OSTF1: variants seen among roughly 807,000 people sequenced by gnomAD.
The protein encoded by OSTF1 is osteoclast stimulating factor 1, also known as osteoclast-stimulating factor 1.
In OSTF1, 27 loss-of-function variants were observed where a neutral mutation model predicts 37.2. The observed-to-expected ratio is 0.73, with a 90% CI of 0.54 to 1.00. The LOEUF (loss-of-function observed/expected upper bound fraction) is 1.00, where lower values mean the gene tolerates loss of function less well. Among genes scored for constraint, OSTF1 ranks in the 50% least tolerant of loss-of-function variants. The pLI, the probability that OSTF1 is intolerant of heterozygous loss-of-function variation, is 0.00. For synonymous variants in OSTF1, 82 were observed against 89.2 expected (o/e 0.92, Z 0.46); for missense variants, 232 against 253.8 (o/e 0.91, Z 0.58).
At chr9:75,118,639 T>G (rs1825530488) in intron 2 of OSTF1, among the ~76,000 whole-genome samples, 1 of 152,134 alleles carries the variant, frequency 6.6e-6, no homozygotes, top group Non-Finnish European at 1.5e-5. Context: ...CTGGGTAATG[T>G]ATAGAGAAAA....
chr9:75,106,203 CAATT>C lies in OSTF1; in HGVS notation c.35-11296_35-11293del, dbSNP rs146693436. Reference sequence around the variant, plus strand: ...TTTTCTTTAAAGGTATATGTGCAAACAATTAATTGAACTTGATTTAATTAATCCA... The same window carrying C: ...TTTTCTTTAAAGGTATATGTGCAAACAATTGAACTTGATTTAATTAATCCA... On this transcript the variant is annotated intron_variant, in intron 1 of 9. Coordinates refer to ENST00000346234, the MANE Select transcript of OSTF1 (RefSeq NM_012383.5). 7.0e-3 allele frequency among the ~76,000 whole-genome samples: 1,068 copies of C among 152,254 alleles called. 14 individuals are homozygous for C. Among genetic ancestry groups the C allele is most frequent in the African/African-American group, 0.024 (992 of 41,536 alleles).
At chr9:75,090,823 C>T (rs1184237894) in intron 1 of OSTF1, among the ~76,000 whole-genome samples, 1 of 152,058 alleles carries the variant, frequency 6.6e-6, no homozygotes, top group Non-Finnish European at 1.5e-5. Context: ...GTACAAAAAA[C>T]AAAAACAGAA....
At chr9:75,133,221 A>C (rs1305020648) in intron 5 of OSTF1, 73 bp from the exon 6 acceptor site, 2 of 878,634 alleles carry the variant, frequency 2.3e-6, no homozygotes, top group South Asian at 1.5e-5. Flanking sequence ...ATGCAGAATG[A>C]CATTGATTTA....
chr9:75,120,172 G>A (rs1260208967), intron 2 of OSTF1, among the ~76,000 whole-genome samples: 3 of 152,222 alleles, frequency 2.0e-5, no homozygotes, highest in Non-Finnish European at 2.9e-5. Flanking sequence ...TAAGCCCATC[G>A]TAAAGTTGAC....
Position 75,088,798 on chromosome 9 carries a change from G to T in OSTF1, c.34+72G>T, listed in dbSNP as rs868379888. ...GTGCCGGCGCCTCCTCTGCAGCTTG[G>T]CAGGGAGGACCCGGCGCGCACCCGG... is the stretch of plus-strand genomic sequence containing the variant. On this transcript the variant is annotated intron_variant, in intron 1 of 9. Coordinates refer to ENST00000346234, the MANE Select transcript of OSTF1 (RefSeq NM_012383.5). 1.6e-5 allele frequency: 24 copies of T among 1,455,424 alleles called. 1 individual carries two copies. In the Middle Eastern group the frequency reaches 2.8e-3, roughly 169 times the overall value. 90.2% of individuals were successfully genotyped at this position (1,455,424 alleles called of 1,614,324 possible). A position where few individuals can be genotyped will look rare whatever the true frequency, so the allele number is the denominator to read the frequency against.
chr9:75,127,047 T>G (rs1825673237), intron 2 of OSTF1, among the ~76,000 whole-genome samples: 1 of 152,196 alleles, frequency 6.6e-6, no homozygotes, highest in South Asian at 2.1e-4. Context: ...GAATTACATA[T>G]TAACTTTTCT....
chr9:75,136,486 G>A (rs7022928), intron 7 of OSTF1, among the ~76,000 whole-genome samples: 94,621 of 151,942 alleles, frequency 0.62, 30,020 homozygotes, highest in Non-Finnish European at 0.69. Flanking sequence ...TCTGCCTCCC[G>A]GGTTCAAGCT....
intron 1 of OSTF1, among the ~76,000 whole-genome samples, chr9:75,102,130 T>G (rs1475469896): frequency 6.6e-6 from 1 of 152,146 alleles, no homozygotes; most frequent in Non-Finnish European, 1.5e-5. Flanking sequence ...CTGTCCCAAC[T>G]AATTTTTTGT....
At chr9:75,100,094 A>C (rs774224283) in intron 1 of OSTF1, among the ~76,000 whole-genome samples, 6 of 152,254 alleles carry the variant, frequency 3.9e-5, no homozygotes, top group Non-Finnish European at 5.9e-5. Flanking sequence ...GCATGTAGAC[A>C]GTGGGTATAG....
chr9:75,131,907 C>A, intron 5 of OSTF1, 84 bp downstream of exon 5: 2 of 920,300 alleles, frequency 2.2e-6, no homozygotes, highest in Non-Finnish European at 3.5e-6. Context: ...CATACACCCA[C>A]GTAACCAACA....
At chr9:75,141,884 A>G (rs576802935) in intron 9 of OSTF1, among the ~76,000 whole-genome samples, 1 of 152,138 alleles carries the variant, frequency 6.6e-6, no homozygotes, top group South Asian at 2.1e-4. Context: ...AGAAAATGGG[A>G]CTACAGGCAT....
chr9:75,130,542 A>G lies in OSTF1; in HGVS notation c.133-36A>G, dbSNP rs759524599. 5.6e-6 allele frequency: 8 copies of G among 1,417,168 alleles called. No homozygotes were observed. In the East Asian group the frequency reaches 1.8e-4, roughly 32 times the overall value. The allele number at this position is 1,417,168 out of a possible 1,614,324, so 87.8% of individuals were successfully genotyped here. On this transcript the variant is annotated intron_variant, in intron 3 of 9. Transcript: ENST00000346234. ...TGAAAAGTGAATGAATGCAGTCTGG[A>G]TTTCATACCACTTAATTTAACTCTT... is the stretch of plus-strand genomic sequence containing the variant.
At chr9:75,134,324 A>G (rs777458329) in intron 6 of OSTF1, 22 bp from the exon 7 acceptor site, 9 of 1,358,102 alleles carry the variant, frequency 6.6e-6, no homozygotes, top group Admixed American at 1.8e-5. Flanking sequence ...CTTAAAAGGT[A>G]TCTTTTCTCT....
At chr9:75,144,107 T>C (rs1257969103) in intron 9 of OSTF1, among the ~76,000 whole-genome samples, 1 of 152,220 alleles carries the variant, frequency 6.6e-6, no homozygotes, top group African/African-American at 2.4e-5. Flanking sequence ...GAAAGCTACA[T>C]TTTACCAAGT....
intron 1 of OSTF1, among the ~76,000 whole-genome samples, chr9:75,096,878 C>T (rs1825096076): frequency 6.6e-6 from 1 of 152,108 alleles, no homozygotes; most frequent in Non-Finnish European, 1.5e-5. Context: ...GGAGTCTCAT[C>T]CTTCCTTATT....
intron 1 of OSTF1, among the ~76,000 whole-genome samples, chr9:75,108,215 C>A (rs1825324126): frequency 6.6e-6 from 1 of 151,496 alleles, no homozygotes; most frequent in Non-Finnish European, 1.5e-5. Flanking sequence ...ACAGTGAGAC[C>A]CTGTCTCTCA....
intron 7 of OSTF1, among the ~76,000 whole-genome samples, chr9:75,136,452 G>T (rs546210151): frequency 6.6e-6 from 1 of 152,182 alleles, no homozygotes; most frequent in Admixed American, 6.5e-5. Flanking sequence ...GGGCGTAGTG[G>T]CGCAATCTCA....
At chr9:75,106,885 C>A (rs748819093) in intron 1 of OSTF1, among the ~76,000 whole-genome samples, 1 of 146,404 alleles carries the variant, frequency 6.8e-6, no homozygotes, top group African/African-American at 2.5e-5. Flanking sequence ...ACCTGGGACG[C>A]GGAGGTTGCA....
intron 2 of OSTF1, among the ~76,000 whole-genome samples, chr9:75,122,199 C>T (rs1428454880): frequency 6.6e-6 from 1 of 152,124 alleles, no homozygotes; most frequent in Non-Finnish European, 1.5e-5. Flanking sequence ...GCATTGATTT[C>T]CAAAGGGAAA....
Sources: gnomAD v4.1 joint callset for allele counts (sites outside exome capture counted in the v4.1 genomes callset) on GRCh38, gnomAD v4.1.1 for gene constraint, MANE v1.5 for transcripts, NCBI Gene and HGNC (gene_info 2026-07-23, HGNC 2026-07-21) for gene names.